Variants in SLC1A1 observed in about 807,000 individuals in gnomAD.
The protein encoded by SLC1A1 is excitatory amino acid transporter 3.
A neutral mutation model predicts 53.3 loss-of-function variants in SLC1A1; 43 were observed. The ratio of observed to expected loss-of-function variants is 0.81; its 90% CI spans 0.63 to 1.04. The LOEUF is 1.04. Ranked by LOEUF, SLC1A1 falls within the 50% of genes least tolerant of loss-of-function variation. SLC1A1 has a pLI of 0.00. For missense variants in SLC1A1, 748 were observed against 664.9 expected (o/e 1.12, Z -1.37); for synonymous variants, 307 against 243.2 (o/e 1.26, Z -2.44).
intron 4 of SLC1A1, among the ~76,000 whole-genome samples, chr9:4,565,617 T>C (rs1235809745): frequency 6.6e-6 from 1 of 152,212 alleles, no homozygotes; most frequent in Non-Finnish European, 1.5e-5. Flanking sequence ...CCACCCCCCA[T>C]GATCCAATCA....
chr9:4,506,677 A>G (rs1477955473), intron 1 of SLC1A1, among the ~76,000 whole-genome samples: 1 of 152,202 alleles, frequency 6.6e-6, no homozygotes, highest in Non-Finnish European at 1.5e-5. Context: ...GACTGGACTT[A>G]CTGCACCTAA....
chr9:4,502,298 G>A (rs1820658889), intron 1 of SLC1A1, among the ~76,000 whole-genome samples: 1 of 138,476 alleles, frequency 7.2e-6, no homozygotes, highest in African/African-American at 2.7e-5. Flanking sequence ...GAGGTGAGAG[G>A]ATCACTTGAG....
intron 3 of SLC1A1, among the ~76,000 whole-genome samples, chr9:4,563,765 A>C (rs1206355954): frequency 6.6e-6 from 1 of 152,148 alleles, no homozygotes; most frequent in Non-Finnish European, 1.5e-5. Flanking sequence ...TTACAGAGAG[A>C]TGAACCTTCT....
At chr9:4,516,875 C>A (rs1821178259) in intron 1 of SLC1A1, among the ~76,000 whole-genome samples, 1 of 152,092 alleles carries the variant, frequency 6.6e-6, no homozygotes, top group Non-Finnish European at 1.5e-5. Flanking sequence ...TGGTGTGCCC[C>A]AAGTGATTTC....
chr9:4,503,552 G>A (rs1820704302), intron 1 of SLC1A1, among the ~76,000 whole-genome samples: 1 of 151,750 alleles, frequency 6.6e-6, no homozygotes, highest in South Asian at 2.1e-4. Flanking sequence ...GGCCATAATT[G>A]GAATGGCCTT....
At chr9:4,517,749 T>A (rs957776653) in intron 1 of SLC1A1, among the ~76,000 whole-genome samples, 1 of 152,098 alleles carries the variant, frequency 6.6e-6, no homozygotes, top group Non-Finnish European at 1.5e-5. Flanking sequence ...TCTTTAAAAA[T>A]TCAGGAGAAA....
In SLC1A1 at chr9:4,490,783, G is replaced by A; in HGVS notation, c.91+13G>A. On this transcript the variant is annotated intron_variant, in intron 1 of 11. Coordinates refer to ENST00000262352, the MANE Select transcript of SLC1A1 (RefSeq NM_004170.6). ...GCGGTGGTGCTAGGTGAGCGGCGCG[G>A]CGGGTGGGCGATGCGCGCACCCTCA... 6.2e-7 allele frequency: 1 copy of A among 1,606,486 alleles called. No homozygotes were observed. The highest frequency in any genetic ancestry group is 8.5e-7 in the Non-Finnish European group (1 of 1,174,290).
chr9:4,528,979 C>T (rs1816370201), intron 1 of SLC1A1, among the ~76,000 whole-genome samples: 1 of 152,112 alleles, frequency 6.6e-6, no homozygotes, highest in Admixed American at 6.5e-5. Context: ...CCCTGTTACC[C>T]AAGCTAGAAA....
intron 1 of SLC1A1, among the ~76,000 whole-genome samples, chr9:4,506,662 T>G (rs1256587400): frequency 1.3e-5 from 2 of 152,216 alleles, no homozygotes; most frequent in Non-Finnish European, 2.9e-5. Context: ...TCAGTAACTG[T>G]GAAAGACTGG....
chr9:4,526,603 G>A (rs917413069), intron 1 of SLC1A1, among the ~76,000 whole-genome samples: 7 of 152,198 alleles, frequency 4.6e-5, no homozygotes, highest in Non-Finnish European at 7.3e-5. Context: ...TTCAGTCTGC[G>A]TGGTGGATGT....
chr9:4,567,627 T>C, intron 5 of SLC1A1, 42 bp from the exon 6 acceptor site: 1 of 1,331,178 alleles, frequency 7.5e-7, no homozygotes. Flanking sequence ...TAAAAAAAAT[T>C]CTTTTTTTGT....
At chr9:4,497,999 T>A (rs76766963) in intron 1 of SLC1A1, among the ~76,000 whole-genome samples, 1 of 152,182 alleles carries the variant, frequency 6.6e-6, no homozygotes. Context: ...CTGAAATTGA[T>A]TACTGCTGTC....
intron 1 of SLC1A1, among the ~76,000 whole-genome samples, chr9:4,538,725 C>T (rs535797233): frequency 1.5e-4 from 23 of 152,114 alleles, no homozygotes; most frequent in Admixed American, 4.6e-4. Flanking sequence ...TGCTTTGAGC[C>T]GGAATTCCCG....
chr9:4,556,111 C>T lies in SLC1A1; in HGVS notation c.233-5338C>T, dbSNP rs563146335. Among the ~76,000 whole-genome samples the T allele has an allele frequency of 1.3e-5, 2 of 152,010 alleles. No individual in the cohort carries two copies. Among genetic ancestry groups the T allele is most frequent in the African/African-American group, 4.8e-5 (2 of 41,370 alleles). ...TCAAGAGATTCTCCTGCCTCAGCCT[C>T]CTGAGTAGCTGGGATTGCAGGTGCA... On this transcript the variant is annotated intron_variant, in intron 2 of 11. Transcript: ENST00000262352. The surrounding 1 kb of genome is among the most constrained non-coding windows in gnomAD (Gnocchi z 4.1).
intron 3 of SLC1A1, among the ~76,000 whole-genome samples, chr9:4,561,862 T>G (rs1818978090): frequency 6.6e-6 from 1 of 152,168 alleles, no homozygotes; most frequent in Admixed American, 6.5e-5. Flanking sequence ...TTGACAATAC[T>G]ACTTTCTGAT....
intron 6 of SLC1A1, among the ~76,000 whole-genome samples, chr9:4,571,538 G>GT (rs1363256667): frequency 6.6e-6 from 1 of 152,130 alleles, no homozygotes; most frequent in African/African-American, 2.4e-5. Flanking sequence ...TTAATTGGGT[G>GT]TGGGGGCGGA....
chr9:4,585,927 G>T lies in SLC1A1; in HGVS notation c.*369G>T. 29 of 193,780 alleles carry T rather than the reference G, an allele frequency of 1.5e-4. No homozygotes were observed. The highest frequency in any genetic ancestry group is 8.0e-4 in the South Asian group (8 of 10,040). The allele number at this position is 193,780 out of a possible 1,614,324, so 12.0% of individuals were successfully genotyped here. On this transcript the variant is annotated 3_prime_UTR_variant, in exon 12 of 12. Transcript: ENST00000262352. Reference sequence around the variant, plus strand: ...TTTGGGTTTTTAAAAAAAATATTCTGTCATTGGTTACAAATTTTTACTCAG... The same window carrying T: ...TTTGGGTTTTTAAAAAAAATATTCTTTCATTGGTTACAAATTTTTACTCAG...
intron 10 of SLC1A1, among the ~76,000 whole-genome samples, chr9:4,580,647 G>GCA (rs1564067191): frequency 7.5e-6 from 1 of 132,602 alleles, no homozygotes; most frequent in Non-Finnish European, 1.6e-5. Context: ...GTGTGTGTGT[G>GCA]TGTGTATAAG....
chr9:4,572,484 G>A, intron 7 of SLC1A1, 96 bp downstream of exon 7: 1 of 1,070,636 alleles, frequency 9.3e-7, no homozygotes. Context: ...AACTGATGAA[G>A]CTAGAGAAGT....
Sources: gnomAD v4.1 joint callset for allele counts (sites outside exome capture counted in the v4.1 genomes callset) on GRCh38, gnomAD v4.1.1 for gene constraint, Gnocchi (gnomAD v3.1) non-coding constraint, MANE v1.5 for transcripts, NCBI Gene and HGNC (gene_info 2026-07-23, HGNC 2026-07-21) for gene names.